The following ATG16L1 variants were observed in gnomAD, a reference collection of about 807,000 sequenced individuals.
ATG16L1 encodes autophagy related 16 like 1, also known as autophagy-related protein 16-1.
In ATG16L1, 37 loss-of-function variants were observed where a neutral mutation model predicts 88.5. The observed-to-expected ratio is 0.42, with a 90% confidence interval of 0.32 to 0.55. The LOEUF is 0.55. ATG16L1 is among the 20% of genes least tolerant of loss of function. The pLI is 0.13. For synonymous variants in ATG16L1, 301 were observed against 281.0 expected, an observed-to-expected ratio of 1.07 and a Z score of -0.71; for missense variants, 554 against 752.8, an observed-to-expected ratio of 0.74 and a Z score of 3.09.
chr2:233,280,741 T>A lies in ATG16L1; in HGVS notation c.1061-364T>A, dbSNP rs116671555. On this transcript the variant is annotated intron_variant, in intron 10 of 17. Coordinates refer to ENST00000392017, the MANE Select transcript of ATG16L1 (RefSeq NM_030803.7). ...CCAAATATTTATGTATGTAAGTTTT[T>A]AAAATGTACTGAGAAATAGTGGAAC... 9.8e-3 allele frequency among the ~76,000 whole-genome samples: 1,489 copies of A among 152,360 alleles called. 35 individuals carry two copies. Among genetic ancestry groups the A allele is most frequent in the African/African-American group, 0.034 (1,415 of 41,586 alleles).
At chr2:233,272,677 T>C (rs1698075813) in intron 6 of ATG16L1, among the ~76,000 whole-genome samples, 1 of 152,222 alleles carries the variant, frequency 6.6e-6, no homozygotes, top group African/African-American at 2.4e-5. Context: ...CAACAGATCA[T>C]ATTTTATTGC....
At chr2:233,270,269 T>C (rs572510372) in intron 6 of ATG16L1, among the ~76,000 whole-genome samples, 31 of 152,254 alleles carry the variant, frequency 2.0e-4, no homozygotes, top group Admixed American at 1.0e-3. Flanking sequence ...AAGAAAAATG[T>C]TAAAGGAAGA....
chr2:233,266,890 A>T (rs1385032325), intron 5 of ATG16L1, among the ~76,000 whole-genome samples: 1 of 152,262 alleles, frequency 6.6e-6, no homozygotes, highest in Non-Finnish European at 1.5e-5. Flanking sequence ...AGGAAGGCAG[A>T]TACTGCGTGC....
At position 233,265,148 on chromosome 2, in the gene ATG16L1, G is replaced by T. The variant is rs775819447; in HGVS notation, c.641+5G>T. 1.2e-6 allele frequency: 2 copies of T among 1,613,638 alleles called. No individual in the cohort carries two copies. The highest frequency in any genetic ancestry group is 1.7e-6 in the Non-Finnish European group (2 of 1,179,918). On this transcript the variant is annotated splice_donor_5th_base_variant and intron_variant, in intron 5 of 17. Transcript: ENST00000392017. ...AGAGAATGAAAAAGACTCCAGGTGG[G>T]CTATCAATCCACAGTTAGTGGTTTC...
intron 9 of ATG16L1, chr2:233,276,023 TAAA>T (rs751840015): frequency 4.0e-6 from 2 of 503,166 alleles, no homozygotes; most frequent in Admixed American, 2.0e-5. Flanking sequence ...AAAGAAACCA[TAAA>T]AAAGAAAAGG....
chr2:233,274,693 C>T lies in ATG16L1; in HGVS notation c.869C>T (p.Ser290Phe). ...TTTCTTAGGAGACGCTCTGTCTCTT[C>T]CTTCCCAGTCCCCCAGGACAATGTG... ...TNIFGRRSVSSFPVPQDNVDT... is the reference protein window; with the variant it reads ...TNIFGRRSVSFFPVPQDNVDT... Residue 290 changes from serine (S) to phenylalanine (F), a missense_variant, in exon 9 of 18, where the codon TCC (serine) becomes TTC (phenylalanine). This residue lies in a region of ATG16L1 where 370 missense variants were observed against 509.7 expected (regional missense o/e 0.73). Coordinates refer to ENST00000392017, the MANE Select transcript of ATG16L1 (RefSeq NM_030803.7). 6.2e-7 allele frequency: 1 copy of T among 1,610,304 alleles called. No individual in the cohort carries two copies. The highest frequency in any genetic ancestry group is 1.7e-4 in the Middle Eastern group (1 of 6,052).
In ATG16L1 at chr2:233,292,121, C is replaced by T. The variant is rs767505249; in HGVS notation, c.1431-7C>T. The T allele has an allele frequency of 6.2e-7, 1 of 1,614,132 alleles. No individual in the cohort carries two copies. The highest frequency in any genetic ancestry group is 1.6e-4 in the Middle Eastern group (1 of 6,062). On this transcript the variant is annotated splice_polypyrimidine_tract_variant and splice_region_variant and intron_variant, in intron 14 of 17. Transcript: ENST00000392017. ...GTTACATTTCTCAGATCTGTTCTCC[C>T]TCTTAGATCAGAGAGCATAGTTCGA...
intron 2 of ATG16L1, among the ~76,000 whole-genome samples, chr2:233,260,956 T>TTTTTG (rs1484350460): frequency 1.3e-5 from 2 of 152,044 alleles, no homozygotes; most frequent in African/African-American, 4.8e-5. Context: ...GTGTTGTTAG[T>TTTTTG]TTTTGTTTTG....
chr2:233,274,412 C>A (rs765613538), intron 8 of ATG16L1: 9 of 429,500 alleles, frequency 2.1e-5, no homozygotes, highest in Non-Finnish European at 3.8e-5. Flanking sequence ...AGCAGTTGTT[C>A]AGGATTGCTT....
rs200300050 is a variant in ATG16L1 at position 233,258,016 on chromosome 2, AATATCTAT to A, written c.209+1848_209+1855del. Among the ~76,000 whole-genome samples the A allele has an allele frequency of 5.1e-3, 264 of 51,962 alleles. 2 individuals carry two copies. The highest frequency in any genetic ancestry group is 0.014 in the Middle Eastern group (1 of 72). 34.1% of individuals were successfully genotyped at this position (51,962 alleles called of 152,430 possible). ...GACTCCGTCTCAAAAAAAAAAAAAAAATATCTATATATCTATATATCTATATATCTATA... is the reference window on the plus strand; with the variant it reads ...GACTCCGTCTCAAAAAAAAAAAAAAAATATCTATATATCTATATATCTATA... On this transcript the variant is annotated intron_variant, in intron 2 of 17. Transcript: ENST00000392017.
intron 16 of ATG16L1, among the ~76,000 whole-genome samples, chr2:233,292,635 G>T (rs1047679484): frequency 2.1e-4 from 32 of 152,314 alleles, no homozygotes; most frequent in Admixed American, 2.0e-3. Flanking sequence ...TGAACCTAAC[G>T]TGTTGTACCA....
At chr2:233,278,444 C>T (rs540038235) in intron 10 of ATG16L1, among the ~76,000 whole-genome samples, 12 of 152,310 alleles carry the variant, frequency 7.9e-5, no homozygotes, top group East Asian at 1.9e-4. Flanking sequence ...TTATCCCTGT[C>T]GAGCAATAAA....
At chr2:233,252,079 G>GGTTAAA in intron 1 of ATG16L1, 137 bp downstream of exon 1, 1 of 604,886 alleles carries the variant, frequency 1.7e-6, no homozygotes, top group Non-Finnish European at 2.7e-6. Context: ...CCGCGCTTGG[G>GGTTAAA]ACGCCGCACG....
Position 233,274,810 on chromosome 2 carries a change from G to A in ATG16L1, c.954+32G>A, listed in dbSNP as rs747961802. On this transcript the variant is annotated intron_variant, in intron 9 of 17. Transcript: ENST00000392017. Reference sequence around the variant, plus strand: ...ATGCTTCAGCCCCGAACCCTACCACGCTTGATATGGTGACAGAGCCTGGCA... The same window carrying A: ...ATGCTTCAGCCCCGAACCCTACCACACTTGATATGGTGACAGAGCCTGGCA... 41 of 1,521,926 alleles carry A rather than the reference G, an allele frequency of 2.7e-5. 1 individual carries two copies. Among genetic ancestry groups the A allele is most frequent in the Middle Eastern group, 1.8e-4 (1 of 5,546 alleles). 94.3% of individuals were successfully genotyped at this position (1,521,926 alleles called of 1,614,324 possible).
chr2:233,282,970 T>C (rs562001403), intron 12 of ATG16L1: 1 of 507,246 alleles, frequency 2.0e-6, no homozygotes, highest in South Asian at 2.2e-5. Context: ...ACCCTCACAT[T>C]TGCATGAAAA....
chr2:233,256,085 CTT>C lies in ATG16L1; in HGVS notation c.116-12_116-11del. Reference sequence around the variant, plus strand: ...TTGTAATAAATAACTTAGTTTCTGACTTTTTTATTTTAATAGATAACAAATTG... The same window carrying C: ...TTGTAATAAATAACTTAGTTTCTGACTTTTATTTTAATAGATAACAAATTG... On this transcript the variant is annotated splice_polypyrimidine_tract_variant and intron_variant, in intron 1 of 17. Transcript: ENST00000392017. 1 of 1,605,660 alleles carries C rather than the reference CTT, an allele frequency of 6.2e-7. No homozygotes were observed. Among genetic ancestry groups the C allele is most frequent in the Non-Finnish European group, 8.5e-7 (1 of 1,172,842 alleles).
Position 233,294,118 on chromosome 2 carries a change from G to A in ATG16L1, c.1731-139G>A, listed in dbSNP as rs140088028. ...CATGTTAGTGAGCTCCTGCCTTGTCGCGGGCACAGTGCCAGAGAGTAAAAT... is the reference window on the plus strand; with the variant it reads ...CATGTTAGTGAGCTCCTGCCTTGTCACGGGCACAGTGCCAGAGAGTAAAAT... On this transcript the variant is annotated intron_variant, in intron 17 of 17. Coordinates refer to ENST00000392017, the MANE Select transcript of ATG16L1 (RefSeq NM_030803.7). 914 of 584,088 alleles carry A rather than the reference G, an allele frequency of 1.6e-3. 10 individuals are homozygous for A. Among genetic ancestry groups the A allele is most frequent in the African/African-American group, 0.015 (808 of 52,368 alleles). The allele number at this position is 584,088 out of a possible 1,614,324, so 36.2% of individuals were successfully genotyped here.
chr2:233,272,372 G>A (rs896214424), intron 6 of ATG16L1, among the ~76,000 whole-genome samples: 3 of 152,210 alleles, frequency 2.0e-5, no homozygotes, highest in African/African-American at 7.2e-5. Context: ...AGCATAAAAT[G>A]CGCAGAGTCA....
chr2:233,253,751 A>G (rs905307716), intron 1 of ATG16L1, among the ~76,000 whole-genome samples: 1 of 152,188 alleles, frequency 6.6e-6, no homozygotes, highest in East Asian at 1.9e-4. Flanking sequence ...CATTGTTTTA[A>G]CAAAACTAAG....
Sources: gnomAD v4.1 joint callset for allele counts (sites outside exome capture counted in the v4.1 genomes callset) on GRCh38, gnomAD v4.1.1 for gene constraint, gnomAD v4.1.1 regional missense constraint, MANE v1.5 for transcripts, NCBI Gene and HGNC (gene_info 2026-07-23, HGNC 2026-07-21) for gene names.